The following SSBP3 variants were observed in gnomAD, a reference collection of about 807,000 sequenced individuals.
SSBP3 encodes single stranded DNA binding protein 3.
SSBP3 carries 5 observed loss-of-function variants against 69.6 expected under a neutral mutation model. The ratio of observed to expected loss-of-function variants is 0.07; its 90% CI spans 0.04 to 0.15. The LOEUF (loss-of-function observed/expected upper bound fraction) is 0.15. SSBP3 is among the 10% of genes least tolerant of loss of function. The pLI, the probability that SSBP3 is intolerant of heterozygous loss-of-function variation, is 1.00. For missense variants in SSBP3, 312 were observed against 534.0 expected (o/e 0.58, Z 4.10); for synonymous variants, 196 against 193.4 (o/e 1.01, Z -0.11).
intron 4 of SSBP3, among the ~76,000 whole-genome samples, chr1:54,392,176 A>G (rs867499632): frequency 6.6e-6 from 1 of 152,206 alleles, no homozygotes; most frequent in African/African-American, 2.4e-5. Context: ...AGACAACGGT[A>G]CCAAGTGCCC....
rs993006377 is a variant in SSBP3 at position 54,335,079 on chromosome 1, A to C, written c.277-53552T>G. Among the ~76,000 whole-genome samples the C allele has an allele frequency of 2.6e-5, 4 of 152,314 alleles. 1 individual carries two copies. The highest frequency in any genetic ancestry group is 1.9e-4 in the East Asian group (1 of 5,190). On this transcript the variant is annotated intron_variant, in intron 4 of 17. Transcript: ENST00000610401. ...TAGAGGAGCCAGGCTCTCAGAACTA[A>C]GGTGACAGCCACAGCTGTGAGGGCC...
At chr1:54,303,348 T>G (rs1645838088) in intron 4 of SSBP3, among the ~76,000 whole-genome samples, 1 of 150,988 alleles carries the variant, frequency 6.6e-6, no homozygotes, top group African/African-American at 2.5e-5. Flanking sequence ...GTTCGGGCAG[T>G]TTGTTATCAA....
Position 54,318,060 on chromosome 1 carries a change from G to A in SSBP3, c.277-36533C>T, listed in dbSNP as rs149073741. ...TGGGATTAAAGGCGTGAGCCACTGC[G>A]CCCGGCCTCTCCATCCTCTTTCTAT... On this transcript the variant is annotated intron_variant, in intron 4 of 17. Transcript: ENST00000610401. Among the ~76,000 whole-genome samples the A allele has an allele frequency of 7.2e-5, 11 of 152,284 alleles. No individual in the cohort carries two copies. The East Asian group carries it at 1.9e-3, about 27-fold the overall frequency.
At chr1:54,348,060 G>A (rs961851896) in intron 4 of SSBP3, among the ~76,000 whole-genome samples, 8 of 151,956 alleles carry the variant, frequency 5.3e-5, no homozygotes, top group Admixed American at 2.0e-4. Context: ...ATATGACTCC[G>A]TGCAACCAAC....
At chr1:54,230,596 G>A (rs1404893814) in intron 14 of SSBP3, among the ~76,000 whole-genome samples, 2 of 152,126 alleles carry the variant, frequency 1.3e-5, no homozygotes, top group African/African-American at 2.4e-5. Context: ...TTACAGGGTT[G>A]TGCAACCATC....
At chr1:54,407,018 G>A (rs1186302836), upstream of SSBP3, among the ~76,000 whole-genome samples, 2 of 152,062 alleles carry the variant, frequency 1.3e-5, no homozygotes, top group African/African-American at 2.4e-5. Context: ...CGGGCCCGGG[G>A]CTCCACGCTG....
At chr1:54,406,973 G>C (rs1397957906), upstream of SSBP3, among the ~76,000 whole-genome samples, 1 of 151,506 alleles carries the variant, frequency 6.6e-6, no homozygotes, top group African/African-American at 2.4e-5. Context: ...CCCCGCCCCC[G>C]GGCCTCCCTC....
At chr1:54,400,885 A>T (rs554219116) in intron 4 of SSBP3, among the ~76,000 whole-genome samples, 1 of 152,204 alleles carries the variant, frequency 6.6e-6, no homozygotes, top group African/African-American at 2.4e-5. Context: ...GTGGGACCCA[A>T]TGACGTTCAA....
At chr1:54,313,970 TC>T (rs1557522324) in intron 4 of SSBP3, among the ~76,000 whole-genome samples, 1 of 152,110 alleles carries the variant, frequency 6.6e-6, no homozygotes, top group Non-Finnish European at 1.5e-5. Flanking sequence ...CACCATGTTA[TC>T]CAGGCTGGTC....
In SSBP3 at chr1:54,225,650, G is replaced by C. The variant is rs950643838; in HGVS notation, c.*1481C>G. Reference sequence around the variant, plus strand: ...ATATGATATACATGGATCAGAAAGGGAGGGAGTAAAACAAAGACCAGCTAC... The same window carrying C: ...ATATGATATACATGGATCAGAAAGGCAGGGAGTAAAACAAAGACCAGCTAC... On this transcript the variant is annotated 3_prime_UTR_variant, in exon 18 of 18. Coordinates refer to ENST00000610401, the Ensembl canonical transcript of SSBP3. 1.4e-5 allele frequency: 4 copies of C among 285,128 alleles called. No homozygotes were observed. The Admixed American group carries it at 2.1e-4, about 15-fold the overall frequency. The allele number at this position is 285,128 out of a possible 1,614,324, so 17.7% of individuals were successfully genotyped here. A position where few individuals can be genotyped will look rare whatever the true frequency, so the allele number is the denominator to read the frequency against.
intron 4 of SSBP3, among the ~76,000 whole-genome samples, chr1:54,346,739 C>G (rs181875589): frequency 9.9e-5 from 15 of 151,420 alleles, no homozygotes; most frequent in African/African-American, 3.4e-4. Context: ...GGCGTGAACC[C>G]GGGAGGCGGA....
chr1:54,246,018 C>G (rs976494792), intron 9 of SSBP3, among the ~76,000 whole-genome samples: 4 of 152,194 alleles, frequency 2.6e-5, no homozygotes, highest in Non-Finnish European at 5.9e-5. Context: ...CGTGGCTGAG[C>G]TGGGGTGAAG....
At chr1:54,231,978 G>A (rs986645991) in intron 14 of SSBP3, among the ~76,000 whole-genome samples, 1 of 152,176 alleles carries the variant, frequency 6.6e-6, no homozygotes. Flanking sequence ...ATAGGTGTGA[G>A]CCACCATGCC....
At chr1:54,236,139 G>T (rs1404481050) in intron 14 of SSBP3, among the ~76,000 whole-genome samples, 1 of 151,596 alleles carries the variant, frequency 6.6e-6, no homozygotes, top group East Asian at 1.9e-4. Context: ...TCTTTGAAAC[G>T]GAGTCTCATT....
chr1:54,312,409 G>A (rs915028068), intron 4 of SSBP3, among the ~76,000 whole-genome samples: 1 of 151,942 alleles, frequency 6.6e-6, no homozygotes, highest in Admixed American at 6.5e-5. Flanking sequence ...GGCCAACATG[G>A]TGAAACCTCG....
chr1:54,268,721 C>T (rs562127780), intron 5 of SSBP3, among the ~76,000 whole-genome samples: 1 of 152,358 alleles, frequency 6.6e-6, no homozygotes, highest in South Asian at 2.1e-4. Flanking sequence ...CCCAAGACCT[C>T]TTCCTCCTTC....
intron 4 of SSBP3, among the ~76,000 whole-genome samples, chr1:54,323,948 A>C (rs71637840): frequency 0.055 from 8,314 of 152,304 alleles, 311 homozygotes; most frequent in South Asian, 0.13. Flanking sequence ...ACTGAGTATC[A>C]TTTATAGAAT....
At chr1:54,263,356 G>A (rs576389535) in intron 5 of SSBP3, among the ~76,000 whole-genome samples, 5 of 152,274 alleles carry the variant, frequency 3.3e-5, no homozygotes, top group Admixed American at 3.3e-4. Flanking sequence ...GACAGGAAGC[G>A]CCCACATTAT....
exon 18 of SSBP3, chr1:54,225,515 CCT>C (rs1230672148): frequency 1.2e-5 from 12 of 1,027,320 alleles, no homozygotes; most frequent in African/African-American, 1.7e-5. Flanking sequence ...ACTTTTTTTT[CCT>C]CTCTTAATTC....
Sources: gnomAD v4.1 joint callset for allele counts (sites outside exome capture counted in the v4.1 genomes callset) on GRCh38, gnomAD v4.1.1 for gene constraint, MANE v1.5 for transcripts, NCBI Gene and HGNC (gene_info 2026-07-23, HGNC 2026-07-21) for gene names.